The following SLC8A3 variants were observed in gnomAD, a reference collection of about 807,000 sequenced individuals.
The protein encoded by SLC8A3 is solute carrier family 8 member A3.
In SLC8A3, 37 loss-of-function variants were observed where a neutral mutation model predicts 65.4. The observed-to-expected ratio is 0.57, with a 90% CI of 0.44 to 0.74. The LOEUF (loss-of-function observed/expected upper bound fraction) is 0.74, where lower values mean the gene tolerates loss of function less well. Ranked by LOEUF, SLC8A3 falls within the 30% of genes least tolerant of loss-of-function variation. The pLI, the probability that SLC8A3 is intolerant of heterozygous loss-of-function variation, is 0.00. For synonymous variants in SLC8A3, 461 were observed against 444.5 expected (o/e 1.04, Z -0.47); for missense variants, 1,112 against 1,172.1 (o/e 0.95, Z 0.75).
intron 1 of SLC8A3, among the ~76,000 whole-genome samples, chr14:70,184,675 C>T (rs1402061109): frequency 6.6e-6 from 1 of 152,188 alleles, no homozygotes; most frequent in Non-Finnish European, 1.5e-5. Flanking sequence ...CCTCTACTGG[C>T]ATAAATCACT....
Position 70,046,140 on chromosome 14 carries a change from G to T in SLC8A3, c.2573C>A (p.Ser858Tyr). The change falls in exon 7 of 7, where the codon TCC becomes TAC. Residue 858 changes from serine to tyrosine, a missense_variant. Physicochemically the swap from Ser to Tyr is moderately radical, Grantham distance 144 (BLOSUM62 -2). Transcript: ENST00000356921. The surrounding 1 kb of genome is among the most constrained non-coding windows in gnomAD (Gnocchi z 4.2). The stretch of plus-strand genomic sequence containing the variant: ...TGCAAAGATGGTGAAGAGGGTGACG[G>T]AGAAGGCCAGTGTGCCGGCCGACAC... Reference protein sequence around the residue: ...FHVSAGTLAFSVTLFTIFAFV... With the variant: ...FHVSAGTLAFYVTLFTIFAFV... 6.2e-7 allele frequency: 1 copy of T among 1,614,202 alleles called. No homozygotes were observed. The highest frequency in any genetic ancestry group is 8.5e-7 in the Non-Finnish European group (1 of 1,180,028).
Position 70,146,063 on chromosome 14 carries a change from C to A in SLC8A3, c.1784+20576G>T, listed in dbSNP as rs962136454. On this transcript the variant is annotated intron_variant, in intron 2 of 6. Coordinates refer to ENST00000356921, the MANE Select transcript of SLC8A3 (RefSeq NM_182932.3). ...TGTCCCCAGGAGCACTCTGGGTGAG[C>A]TTCAAAGTGCTGCCAGCCAGGGCTG... 2.0e-5 allele frequency among the ~76,000 whole-genome samples: 3 copies of A among 152,252 alleles called. No homozygotes were observed. The South Asian group carries it at 6.2e-4, about 32-fold the overall frequency.
chr14:70,182,881 G>T (rs1205067684), intron 1 of SLC8A3, among the ~76,000 whole-genome samples: 1 of 152,188 alleles, frequency 6.6e-6, no homozygotes, highest in Non-Finnish European at 1.5e-5. Context: ...CCAAAGTAAG[G>T]CAAGGGTGAG....
chr14:70,075,259 G>A (rs750723871), intron 2 of SLC8A3, among the ~76,000 whole-genome samples: 3 of 152,020 alleles, frequency 2.0e-5, no homozygotes, highest in East Asian at 1.9e-4. Context: ...TCAGCCTTTC[G>A]GGCTCTCTGT....
chr14:70,106,418 A>G (rs2140125894), intron 2 of SLC8A3, among the ~76,000 whole-genome samples: 1 of 152,262 alleles, frequency 6.6e-6, no homozygotes, highest in East Asian at 1.9e-4. Flanking sequence ...TGTAACAGAA[A>G]TCTTAGTATT....
At chr14:70,133,546 TC>T (rs1399230878) in intron 2 of SLC8A3, among the ~76,000 whole-genome samples, 13 of 152,124 alleles carry the variant, frequency 8.5e-5, no homozygotes, top group African/African-American at 1.2e-4. Context: ...TTTGACAAAT[TC>T]CGTGCACGGA....
chr14:70,144,111 G>A (rs1271251859), intron 2 of SLC8A3, among the ~76,000 whole-genome samples: 2 of 151,976 alleles, frequency 1.3e-5, no homozygotes, highest in Non-Finnish European at 2.9e-5. Flanking sequence ...TCCATACCCC[G>A]CTGTGGGGGC....
chr14:70,118,956 A>G (rs1197205284), intron 2 of SLC8A3, among the ~76,000 whole-genome samples: 1 of 152,192 alleles, frequency 6.6e-6, no homozygotes, highest in Non-Finnish European at 1.5e-5. Context: ...TGGAGCTCAT[A>G]CTGCTCATCT....
At chr14:70,098,454 C>G (rs746729506) in intron 2 of SLC8A3, among the ~76,000 whole-genome samples, 1 of 152,136 alleles carries the variant, frequency 6.6e-6, no homozygotes, top group Non-Finnish European at 1.5e-5. Context: ...TCCATGGAAA[C>G]AAGATTCCTT....
intron 2 of SLC8A3, among the ~76,000 whole-genome samples, chr14:70,122,519 T>C (rs752949214): frequency 1.1e-4 from 16 of 152,284 alleles, no homozygotes; most frequent in South Asian, 8.3e-4. Context: ...TAAAACTCTA[T>C]GACTCAGTTT....
At chr14:70,133,854 G>A (rs1426527708) in intron 2 of SLC8A3, among the ~76,000 whole-genome samples, 1 of 152,016 alleles carries the variant, frequency 6.6e-6, no homozygotes, top group Non-Finnish European at 1.5e-5. Context: ...GTCAATGGTG[G>A]GTTTCTAAAG....
At position 70,168,367 on chromosome 14, in the gene SLC8A3, A is replaced by G. The variant is rs762857196; in HGVS notation, c.56T>C (p.Val19Ala). 1.1e-5 allele frequency: 18 copies of G among 1,614,052 alleles called. No homozygotes were observed. The Admixed American group carries it at 1.8e-4, about 16-fold the overall frequency. Residue 19 changes from valine to alanine, a missense_variant, in exon 2 of 7, where the codon GTT becomes GCT. Transcript: ENST00000356921. ...LTSAFLHFGL[V>A]TFVLFLNGLR... The stretch of plus-strand genomic sequence containing the variant: ...ACCATTCAGGAAGAGCACAAAGGTA[A>G]CCAGCCCAAAATGGAGGAAGGCAGA...
intron 2 of SLC8A3, among the ~76,000 whole-genome samples, chr14:70,106,371 C>T (rs1002742135): frequency 1.3e-5 from 2 of 151,934 alleles, no homozygotes; most frequent in Non-Finnish European, 2.9e-5. Context: ...GGAAAATGGA[C>T]CAAATTTAAT....
intron 2 of SLC8A3, among the ~76,000 whole-genome samples, chr14:70,134,936 T>A (rs1895087307): frequency 6.6e-6 from 1 of 152,234 alleles, no homozygotes; most frequent in African/African-American, 2.4e-5. Flanking sequence ...AGTTAAGCTA[T>A]AATTTCATTC....
chr14:70,111,730 T>C lies in SLC8A3; in HGVS notation c.1785-50791A>G, dbSNP rs573468371. 8.9e-4 allele frequency among the ~76,000 whole-genome samples: 136 copies of C among 152,338 alleles called. 1 individual carries two copies. The highest frequency in any genetic ancestry group is 3.1e-3 in the African/African-American group (127 of 41,586). ...CAGCTCTAGGATTCGTAAGGCTCAATTGAGAAAGTGCATGCGAAAACATGT... is the reference window on the plus strand; with the variant it reads ...CAGCTCTAGGATTCGTAAGGCTCAACTGAGAAAGTGCATGCGAAAACATGT... On this transcript the variant is annotated intron_variant, in intron 2 of 6. Transcript: ENST00000356921.
chr14:70,169,266 G>T (rs572407212), intron 1 of SLC8A3, among the ~76,000 whole-genome samples: 1 of 152,152 alleles, frequency 6.6e-6, no homozygotes, highest in Non-Finnish European at 1.5e-5. Context: ...GATAAATGGT[G>T]AATGCCACCC....
At chr14:70,065,254 A>G (rs1222148060) in intron 2 of SLC8A3, among the ~76,000 whole-genome samples, 1 of 152,136 alleles carries the variant, frequency 6.6e-6, no homozygotes, top group Non-Finnish European at 1.5e-5. Context: ...TTGGATGTCT[A>G]CAGAGCCTGC....
chr14:70,153,272 G>A (rs1594769564), intron 2 of SLC8A3, among the ~76,000 whole-genome samples: 1 of 152,258 alleles, frequency 6.6e-6, no homozygotes, highest in Non-Finnish European at 1.5e-5. Flanking sequence ...TCCTGGTGGT[G>A]TGTGAGGCAC....
At chr14:70,101,632 G>T (rs772877483) in intron 2 of SLC8A3, among the ~76,000 whole-genome samples, 7 of 152,148 alleles carry the variant, frequency 4.6e-5, no homozygotes, top group African/African-American at 7.2e-5. Context: ...GATCCAAGTT[G>T]AACTTGTACC....
Sources: allele counts gnomAD v4.1 joint callset (sites outside exome capture counted in the v4.1 genomes callset), GRCh38; gene constraint gnomAD v4.1.1; non-coding constraint Gnocchi (gnomAD v3.1); transcripts MANE v1.5; gene names NCBI Gene and HGNC (gene_info 2026-07-23, HGNC 2026-07-21).